The following HHAT variants were observed in gnomAD, a reference collection of about 807,000 sequenced individuals.
HHAT encodes protein-cysteine N-palmitoyltransferase HHAT.
Under a neutral mutation model 70.8 loss-of-function variants are expected in HHAT, and 47 were observed. That is an observed-to-expected ratio of 0.66 (90% CI 0.53 to 0.85). HHAT has a LOEUF of 0.85. Among genes scored for constraint, HHAT ranks in the 40% least tolerant of loss-of-function variants. The probability of loss-of-function intolerance (pLI) is 0.00; values close to 1 mark genes in which losing one functional copy is unlikely to be tolerated. For missense variants in HHAT, 609 were observed against 604.8 expected (o/e 1.01, Z -0.07); for synonymous variants, 228 against 247.6 (o/e 0.92, Z 0.74).
intron 8 of HHAT, among the ~76,000 whole-genome samples, chr1:210,496,073 G>C (rs1311167978): frequency 7.0e-6 from 1 of 142,722 alleles, no homozygotes. Flanking sequence ...TCATGGGTTA[G>C]AAAGAGTAAA....
intron 8 of HHAT, among the ~76,000 whole-genome samples, chr1:210,498,438 A>G (rs1041492383): frequency 6.6e-6 from 1 of 152,208 alleles, no homozygotes; most frequent in Non-Finnish European, 1.5e-5. Flanking sequence ...TTTAGTTTTT[A>G]TAACACAGAT....
intron 9 of HHAT, among the ~76,000 whole-genome samples, chr1:210,560,923 T>C (rs934554253): frequency 6.8e-6 from 1 of 147,886 alleles, no homozygotes; most frequent in Non-Finnish European, 1.5e-5. Flanking sequence ...GATTAAGAAA[T>C]GTCAAGTCCT....
At chr1:210,660,520 C>A (rs1374880120) in intron 11 of HHAT, among the ~76,000 whole-genome samples, 1 of 152,176 alleles carries the variant, frequency 6.6e-6, no homozygotes, top group Admixed American at 6.5e-5. Flanking sequence ...GTGCCATCCC[C>A]ATCAAGGTAC....
intron 9 of HHAT, among the ~76,000 whole-genome samples, chr1:210,580,471 C>T (rs1307425008): frequency 6.7e-6 from 1 of 149,856 alleles, no homozygotes; most frequent in Non-Finnish European, 1.5e-5. Context: ...ATTGACCTGT[C>T]CTCTAAGTTC....
chr1:210,494,774 A>G (rs2094608270), intron 8 of HHAT, among the ~76,000 whole-genome samples: 1 of 151,874 alleles, frequency 6.6e-6, no homozygotes, highest in African/African-American at 2.4e-5. Context: ...GCTGGTCTCA[A>G]ACTCCTGACC....
chr1:210,515,702 G>C (rs143447333), intron 9 of HHAT, among the ~76,000 whole-genome samples: 1,518 of 148,550 alleles, frequency 0.01, 32 homozygotes, highest in African/African-American at 0.035. Flanking sequence ...AGCTTGCAGT[G>C]AGCTGAGATT....
rs28432201 is a variant in HHAT at position 210,496,654 on chromosome 1, G to A, written c.1008-16499G>A. Among the ~76,000 whole-genome samples, 1,100 of 152,310 alleles carry A rather than the reference G, an allele frequency of 7.2e-3. 13 individuals carry two copies. Among genetic ancestry groups the A allele is most frequent in the African/African-American group, 0.025 (1,046 of 41,552 alleles). ...ACACTGCTGTACAGTGTCTAATACT[G>A]TGCACCATTAGGCAGAGGTGTACAT... On this transcript the variant is annotated intron_variant, in intron 8 of 11. Coordinates refer to ENST00000261458, the MANE Select transcript of HHAT (RefSeq NM_018194.6).
chr1:210,513,143 T>C lies in HHAT; in HGVS notation c.1008-10T>C. On this transcript the variant is annotated splice_polypyrimidine_tract_variant and intron_variant, in intron 8 of 11. Transcript: ENST00000261458. ...TTATTGATATGCTTGTCTATGTCTC[T>C]TTTGAACAGGTATTTTGATGTTGGA... The C allele has an allele frequency of 1.3e-6, 2 of 1,511,508 alleles. No homozygotes were observed. The highest frequency in any genetic ancestry group is 1.8e-6 in the Non-Finnish European group (2 of 1,093,886). 93.6% of individuals were successfully genotyped at this position (1,511,508 alleles called of 1,614,324 possible). A position where few individuals can be genotyped will look rare whatever the true frequency, so the allele number is the denominator to read the frequency against.
chr1:210,654,732 C>T (rs910810594), intron 11 of HHAT, among the ~76,000 whole-genome samples: 1 of 152,194 alleles, frequency 6.6e-6, no homozygotes, highest in South Asian at 2.1e-4. Flanking sequence ...CATATCTTCC[C>T]CATGGAATGA....
chr1:210,339,187 C>T (rs2085778591), intron 1 of HHAT, among the ~76,000 whole-genome samples: 2 of 152,106 alleles, frequency 1.3e-5, no homozygotes, highest in Admixed American at 6.5e-5. Flanking sequence ...ATAGAGACTC[C>T]ACTGATTTTG....
rs138929139 is a variant in HHAT at position 210,456,170 on chromosome 1, A to G, written c.857-8335A>G. Among the ~76,000 whole-genome samples the G allele has an allele frequency of 1.7e-3, 255 of 152,320 alleles. 1 individual carries two copies. The highest frequency in any genetic ancestry group is 5.9e-3 in the African/African-American group (244 of 41,582). On this transcript the variant is annotated intron_variant, in intron 7 of 11. Coordinates refer to ENST00000261458, the MANE Select transcript of HHAT (RefSeq NM_018194.6). ...CGCAGAAAGGAATTATGCAGCCAGAAGTTTATAGCCCCAAATCACTCTCTA... is the reference window on the plus strand; with the variant it reads ...CGCAGAAAGGAATTATGCAGCCAGAGGTTTATAGCCCCAAATCACTCTCTA...
At chr1:210,639,631 A>C (rs1329068395) in intron 11 of HHAT, among the ~76,000 whole-genome samples, 1 of 152,092 alleles carries the variant, frequency 6.6e-6, no homozygotes, top group African/African-American at 2.4e-5. Flanking sequence ...TGTGCATGAC[A>C]CTCACTCTTT....
At chr1:210,547,476 C>T (rs2095493589) in intron 9 of HHAT, among the ~76,000 whole-genome samples, 1 of 152,250 alleles carries the variant, frequency 6.6e-6, no homozygotes, top group East Asian at 1.9e-4. Context: ...TATGGAATCC[C>T]GTTAAGAAAG....
At chr1:210,624,309 C>T (rs887273016) in intron 11 of HHAT, among the ~76,000 whole-genome samples, 10 of 152,112 alleles carry the variant, frequency 6.6e-5, no homozygotes, top group East Asian at 1.9e-4. Context: ...TCTCAGCTTC[C>T]GTAACTGTAA....
At chr1:210,634,728 C>G (rs1303650669) in intron 11 of HHAT, among the ~76,000 whole-genome samples, 1 of 152,170 alleles carries the variant, frequency 6.6e-6, no homozygotes, top group Non-Finnish European at 1.5e-5. Context: ...TGAAGCTAAC[C>G]TCTTGATTAC....
intron 7 of HHAT, among the ~76,000 whole-genome samples, chr1:210,435,123 C>A (rs909454401): frequency 6.6e-6 from 1 of 151,846 alleles, no homozygotes; most frequent in African/African-American, 2.4e-5. Context: ...TTTTCATCCT[C>A]CCCTCCTGCT....
At chr1:210,482,657 A>G (rs1224544025) in intron 8 of HHAT, among the ~76,000 whole-genome samples, 1 of 152,234 alleles carries the variant, frequency 6.6e-6, no homozygotes, top group Non-Finnish European at 1.5e-5. Flanking sequence ...GTATCGAAGT[A>G]GAGAGTGGAA....
At chr1:210,599,520 A>G (rs1440059363) in intron 10 of HHAT, among the ~76,000 whole-genome samples, 1 of 152,120 alleles carries the variant, frequency 6.6e-6, no homozygotes, top group Non-Finnish European at 1.5e-5. Context: ...ACCACCATCT[A>G]TCTAGCTACT....
At chr1:210,594,447 C>T (rs1662465407) in intron 10 of HHAT, among the ~76,000 whole-genome samples, 1 of 152,132 alleles carries the variant, frequency 6.6e-6, no homozygotes, top group African/African-American at 2.4e-5. Context: ...AAAAACTCTA[C>T]ACTTTAACTT....
Sources: gnomAD v4.1 joint callset for allele counts (sites outside exome capture counted in the v4.1 genomes callset) on GRCh38, gnomAD v4.1.1 for gene constraint, MANE v1.5 for transcripts, NCBI Gene and HGNC (gene_info 2026-07-23, HGNC 2026-07-21) for gene names.